FRMD4B: variants seen among roughly 807,000 people sequenced by gnomAD.
FRMD4B encodes FERM domain-containing protein 4B.
FRMD4B carries 74 observed loss-of-function variants against 141.5 expected under a neutral mutation model. The observed-to-expected ratio is 0.52, with a 90% CI of 0.43 to 0.63. The LOEUF (loss-of-function observed/expected upper bound fraction) is 0.63. Ranked by LOEUF, FRMD4B falls within the 30% of genes least tolerant of loss-of-function variation. The pLI is 0.00. For synonymous variants in FRMD4B, 506 were observed against 467.9 expected (o/e 1.08, Z -1.05); for missense variants, 1,366 against 1,253.4 (o/e 1.09, Z -1.36).
chr3:69,505,397 AAAAAGGAAAC>A (rs1393549148), intron 1 of FRMD4B, among the ~76,000 whole-genome samples: 1 of 152,058 alleles, frequency 6.6e-6, no homozygotes, highest in African/African-American at 2.4e-5. Flanking sequence ...AAACAAAAAG[AAAAAGGAAAC>A]AAAAGGAAAT....
intron 1 of FRMD4B, among the ~76,000 whole-genome samples, chr3:69,315,514 T>G (rs1305544533): frequency 6.6e-6 from 1 of 152,242 alleles, no homozygotes; most frequent in Non-Finnish European, 1.5e-5. Context: ...TATCCGTGTA[T>G]GTGTGTGTAT....
intron 11 of FRMD4B, among the ~76,000 whole-genome samples, chr3:69,202,295 G>GTA (rs2092976213): frequency 6.6e-6 from 1 of 152,106 alleles, no homozygotes; most frequent in Non-Finnish European, 1.5e-5. Flanking sequence ...AGAAAGCTAA[G>GTA]TATGCTTCCC....
chr3:69,251,806 A>C (rs371109827), intron 5 of FRMD4B, among the ~76,000 whole-genome samples: 166 of 152,348 alleles, frequency 1.1e-3, no homozygotes, highest in African/African-American at 3.7e-3. Flanking sequence ...GTGAAAGATG[A>C]TGAGGCGGTT....
chr3:69,513,764 T>C (rs1045348492), intron 1 of FRMD4B, among the ~76,000 whole-genome samples: 12 of 152,038 alleles, frequency 7.9e-5, no homozygotes, highest in African/African-American at 2.7e-4. Flanking sequence ...AATTTATAAA[T>C]TACTACTGTA....
intron 11 of FRMD4B, among the ~76,000 whole-genome samples, chr3:69,211,561 G>T (rs1041347246): frequency 6.6e-6 from 1 of 152,178 alleles, no homozygotes; most frequent in African/African-American, 2.4e-5. Flanking sequence ...GGGAGATCTT[G>T]GAACAACTCC....
intron 1 of FRMD4B, among the ~76,000 whole-genome samples, chr3:69,531,721 A>T (rs1701011507): frequency 6.6e-6 from 1 of 152,216 alleles, no homozygotes; most frequent in South Asian, 2.1e-4. Flanking sequence ...TTTCTCTGAG[A>T]TCCAAAAAAG....
chr3:69,272,076 G>A (rs931542005), intron 5 of FRMD4B, among the ~76,000 whole-genome samples: 4 of 152,170 alleles, frequency 2.6e-5, no homozygotes, highest in Non-Finnish European at 4.4e-5. Flanking sequence ...TTAGTTTAGT[G>A]ACTACTTGAT....
intron 1 of FRMD4B, among the ~76,000 whole-genome samples, chr3:69,506,667 G>C (rs1706601941): frequency 6.6e-6 from 1 of 151,944 alleles, no homozygotes; most frequent in East Asian, 1.9e-4. Context: ...TCCTGAGTCT[G>C]GGACTATAGG....
intron 1 of FRMD4B, among the ~76,000 whole-genome samples, chr3:69,336,039 A>G (rs116233131): frequency 1.5e-3 from 234 of 152,246 alleles, no homozygotes; most frequent in African/African-American, 5.2e-3. Context: ...TGAGTTTTGA[A>G]GGGCTGAAAA....
intron 1 of FRMD4B, among the ~76,000 whole-genome samples, chr3:69,540,860 A>T (rs188945460): frequency 1.7e-4 from 26 of 151,884 alleles, no homozygotes; most frequent in Admixed American, 5.9e-4. Context: ...ACCTCTCTCA[A>T]GGGCTAGGTT....
intron 2 of FRMD4B, among the ~76,000 whole-genome samples, chr3:69,429,517 T>G (rs1705142580): frequency 6.6e-6 from 1 of 152,250 alleles, no homozygotes; most frequent in East Asian, 1.9e-4. Flanking sequence ...ATATTCAAGG[T>G]GATAGACATC....
intron 11 of FRMD4B, 111 bp downstream of exon 11, chr3:69,216,152 T>TA (rs2093138441): frequency 2.0e-6 from 1 of 500,830 alleles, no homozygotes; most frequent in Non-Finnish European, 3.5e-6. Context: ...AGACTCCATC[T>TA]CAAAAAAAAC....
Position 69,196,972 on chromosome 3 carries a change from A to G in FRMD4B, c.1020T>C (p.Ser340=), listed in dbSNP as rs758744393. 1 of 1,606,366 alleles carries G rather than the reference A, an allele frequency of 6.2e-7. No homozygotes were observed. The highest frequency in any genetic ancestry group is 1.7e-5 in the Admixed American group (1 of 60,008). ...GLFVQTWYAN[S]SLIKSIWVMA... ...TTACCCAAATGGACTTGATGAGAGA[A>G]GAGTTAGCATACCATGTTTGCACAA... The change falls in exon 13 of 23, where the codon TCT becomes TCC. Residue 340 remains serine, a synonymous_variant. Transcript: ENST00000398540.
intron 4 of FRMD4B, among the ~76,000 whole-genome samples, chr3:69,299,481 C>T (rs1701140229): frequency 6.6e-6 from 1 of 152,036 alleles, no homozygotes; most frequent in Non-Finnish European, 1.5e-5. Context: ...ACAATGCACC[C>T]CTCCCTCCAT....
chr3:69,480,808 C>T (rs1467322270), intron 1 of FRMD4B, among the ~76,000 whole-genome samples: 1 of 152,214 alleles, frequency 6.6e-6, no homozygotes, highest in Non-Finnish European at 1.5e-5. Context: ...GCCCTGCCCC[C>T]AGAGGTGGAG....
At chr3:69,192,458 T>C (rs2092848832) in intron 17 of FRMD4B, among the ~76,000 whole-genome samples, 1 of 151,910 alleles carries the variant, frequency 6.6e-6, no homozygotes, top group Admixed American at 6.6e-5. Context: ...AAGGAAAAAA[T>C]GTCTTAGAAT....
intron 1 of FRMD4B, among the ~76,000 whole-genome samples, chr3:69,454,961 G>A (rs1189272797): frequency 6.6e-6 from 1 of 152,252 alleles, no homozygotes. Context: ...TCAGCATTCT[G>A]TGTCTAGCTT....
At position 69,452,104 on chromosome 3, in the gene FRMD4B, G is replaced by T. The variant is rs530713457; in HGVS notation, c.-128-19343C>A. Among the ~76,000 whole-genome samples the T allele has an allele frequency of 3.9e-5, 6 of 152,390 alleles. No individual in the cohort carries two copies. In the South Asian group the frequency reaches 1.2e-3, roughly 32 times the overall value. The stretch of plus-strand genomic sequence containing the variant: ...ACGAACTTTATAATGGTAGGAGGAA[G>T]AAGCATCATCATTTATTCCTTCATA... On this transcript the variant is annotated intron_variant, in intron 1 of 5. Transcript: ENST00000459638.
At position 69,233,368 on chromosome 3, in the gene FRMD4B, C is replaced by T. The variant is rs1294113247; in HGVS notation, c.582-8678G>A. Among the ~76,000 whole-genome samples the T allele has an allele frequency of 3.3e-5, 5 of 151,356 alleles. No homozygotes were observed. In the Admixed American group the frequency reaches 3.3e-4, roughly 10 times the overall value. ...GTGGGGTGGCACACGCCTGTAGTCC[C>T]AGGTACTTGGAAGGATGAGTTGGGA... is the stretch of plus-strand genomic sequence containing the variant. On this transcript the variant is annotated intron_variant, in intron 7 of 22. Coordinates refer to ENST00000398540, the MANE Select transcript of FRMD4B (RefSeq NM_015123.3).
Sources: gnomAD v4.1 joint callset for allele counts (sites outside exome capture counted in the v4.1 genomes callset) on GRCh38, gnomAD v4.1.1 for gene constraint, MANE v1.5 for transcripts, NCBI Gene and HGNC (gene_info 2026-07-23, HGNC 2026-07-21) for gene names.